ATP6V1B1: variants seen among roughly 807,000 people sequenced by gnomAD.
The protein encoded by ATP6V1B1 is ATPase H+ transporting V1 subunit B1.
In ATP6V1B1, 41 loss-of-function variants were observed where a neutral mutation model predicts 62.1. That is an observed-to-expected ratio of 0.66 (90% confidence interval 0.51 to 0.86). ATP6V1B1 has a LOEUF of 0.86. Among genes scored for constraint, ATP6V1B1 ranks in the 40% least tolerant of loss-of-function variants. The pLI, the probability that ATP6V1B1 is intolerant of heterozygous loss-of-function variation, is 0.00. For synonymous variants in ATP6V1B1, 253 were observed against 273.4 expected (o/e 0.93, Z 0.74); for missense variants, 651 against 697.5 (o/e 0.93, Z 0.75).
chr2:70,957,833 G>C (rs113076007), intron 2 of ATP6V1B1: 160 of 592,200 alleles, frequency 2.7e-4, no homozygotes, highest in African/African-American at 2.5e-3. Flanking sequence ...CAGAGTTTCA[G>C]CTGTAACCTG....
chr2:70,958,462 C>T (rs782086753), intron 4 of ATP6V1B1, 36 bp downstream of exon 4: 2 of 1,590,462 alleles, frequency 1.3e-6, no homozygotes, highest in Non-Finnish European at 1.7e-6. Context: ...GGGGGTGCTC[C>T]TCTGCCCTCC....
intron 2 of ATP6V1B1, among the ~76,000 whole-genome samples, chr2:70,954,174 C>G (rs1458650839): frequency 6.6e-6 from 1 of 151,980 alleles, no homozygotes; most frequent in African/African-American, 2.4e-5. Context: ...TAATGCTGTT[C>G]TTTTTTCTGA....
rs782075120 is a variant in ATP6V1B1, at chr2:70,964,717, C to T, written c.1249-19C>T. The T allele has an allele frequency of 3.1e-6, 5 of 1,613,088 alleles. No homozygotes were observed. The African/African-American group carries it at 4.0e-5, about 13-fold the overall frequency. On this transcript the variant is annotated intron_variant, in intron 12 of 13. Coordinates refer to ENST00000234396, the MANE Select transcript of ATP6V1B1 (RefSeq NM_001692.4). Reference sequence around the variant, plus strand: ...GTGGTAAGCCCGCAGCGGCCACCGACGCCTTGCCCCTCCCCCAGTACGCCT... The same window carrying T: ...GTGGTAAGCCCGCAGCGGCCACCGATGCCTTGCCCCTCCCCCAGTACGCCT...
At position 70,962,873 on chromosome 2, in the gene ATP6V1B1, G is replaced by A. The variant is rs936620695; in HGVS notation, c.882G>A (p.Met294Ile). The change falls in exon 9 of 14, where the codon ATG becomes ATA. Residue 294 changes from methionine (M) to isoleucine (I), a missense_variant. Transcript: ENST00000234396. ...ATGTGCTGGTCATACTGACGGACAT[G>A]AGTTCCTATGCAGAGGCCTTGCGGG... ...EKHVLVILTD[M>I]SSYAEALREV... 1.2e-5 allele frequency: 20 copies of A among 1,614,016 alleles called. No individual in the cohort carries two copies. The Admixed American group carries it at 1.8e-4, about 15-fold the overall frequency.
Position 70,964,455 on chromosome 2 carries a change from C to T in ATP6V1B1, c.1161C>T (p.Asn387=), listed in dbSNP as rs377624239. 5 of 1,614,156 alleles carry T rather than the reference C, an allele frequency of 3.1e-6. No individual in the cohort carries two copies. The highest frequency in any genetic ancestry group is 1.1e-5 in the South Asian group (1 of 91,080). ...LHNRQIYPPI[N]VLPSLSRLMK... Reference sequence around the variant, plus strand: ...TCCCTCAGATCTACCCCCCCATCAACGTGCTCCCTTCCCTGTCGCGGCTGA... The same window carrying T: ...TCCCTCAGATCTACCCCCCCATCAATGTGCTCCCTTCCCTGTCGCGGCTGA... Residue 387 remains asparagine (N), a synonymous_variant, in exon 12 of 14, where the codon AAC becomes AAT. Coordinates refer to ENST00000234396, the MANE Select transcript of ATP6V1B1 (RefSeq NM_001692.4).
intron 1 of ATP6V1B1, among the ~76,000 whole-genome samples, chr2:70,938,338 T>C (rs1208113069): frequency 6.6e-6 from 1 of 152,034 alleles, no homozygotes; most frequent in African/African-American, 2.4e-5. Flanking sequence ...GCACCCTCAG[T>C]ACGCCAGAGG....
At chr2:70,943,490 T>G (rs1553416740) in intron 1 of ATP6V1B1, 168 bp from the exon 2 acceptor site, 4 of 765,092 alleles carry the variant, frequency 5.2e-6, no homozygotes, top group South Asian at 1.5e-5. Flanking sequence ...GGCAGGGGCA[T>G]GACCCTTACA....
chr2:70,964,944 C>G lies in ATP6V1B1; in HGVS notation c.1379-14C>G. ...CACACACATTCCTAACACTCCCTCC[C>G]GCTCTGTCCCTAGGCCCCTACGAGA... On this transcript the variant is annotated splice_polypyrimidine_tract_variant and intron_variant, in intron 13 of 13. Coordinates refer to ENST00000234396, the MANE Select transcript of ATP6V1B1 (RefSeq NM_001692.4). 1 of 1,614,026 alleles carries G rather than the reference C, an allele frequency of 6.2e-7. No homozygotes were observed. The highest frequency in any genetic ancestry group is 1.7e-5 in the Admixed American group (1 of 60,032).
chr2:70,961,955 C>T (rs1680598022), intron 8 of ATP6V1B1: 2 of 543,682 alleles, frequency 3.7e-6, no homozygotes, highest in Non-Finnish European at 6.7e-6. Context: ...ACCATTCCAA[C>T]TCAGGGCTCC....
chr2:70,959,380 C>T lies in ATP6V1B1; in HGVS notation c.445+285C>T, dbSNP rs1446046886. ...AATCCTGAGAATGGGCTGCGGTGCT[C>T]TGCCGGCTCTCGTCCATTCAAGTGG... On this transcript the variant is annotated intron_variant, in intron 5 of 13. Transcript: ENST00000234396. This position sits in a 1 kb window ranked among gnomAD's most constrained non-coding sequence, Gnocchi z 4.2. Among the ~76,000 whole-genome samples, 3 of 152,248 alleles carry T rather than the reference C, an allele frequency of 2.0e-5. No homozygotes were observed. Among genetic ancestry groups the T allele is most frequent in the Non-Finnish European group, 2.9e-5 (2 of 68,040 alleles).
At chr2:70,948,693 C>T (rs112186498) in intron 2 of ATP6V1B1, 1 of 152,254 alleles carries the variant, frequency 6.6e-6, no homozygotes, top group African/African-American at 2.4e-5. Context: ...GCCCTCCTCC[C>T]CGGCCGGCCT....
At chr2:70,944,242 G>GGTAAGTGAA in intron 2 of ATP6V1B1, 1 of 1,288,114 alleles carries the variant, frequency 7.8e-7, no homozygotes, top group South Asian at 1.2e-5. Context: ...AAGTGAAGTG[G>GGTAAGTGAA]GCCCCACCAA....
chr2:70,937,334 C>T (rs540056799), intron 1 of ATP6V1B1, among the ~76,000 whole-genome samples: 5 of 151,996 alleles, frequency 3.3e-5, no homozygotes, highest in South Asian at 2.1e-4. Flanking sequence ...GGCCCGGGGG[C>T]GCATGGGAGG....
chr2:70,965,189 C>T lies in ATP6V1B1; in HGVS notation c.*68C>T, dbSNP rs144725809. The T allele has an allele frequency of 1.6e-3, 2,485 of 1,587,136 alleles. 36 individuals carry two copies. In the East Asian group the frequency reaches 0.034, roughly 21 times the overall value. On this transcript the variant is annotated 3_prime_UTR_variant, in exon 14 of 14. Transcript: ENST00000234396. Reference sequence around the variant, plus strand: ...CTCGGCTCCCGGGTCTCCCCTCCCTCGCCACCCCAACCAGCGGCTTCTGCG... The same window carrying T: ...CTCGGCTCCCGGGTCTCCCCTCCCTTGCCACCCCAACCAGCGGCTTCTGCG...
intron 2 of ATP6V1B1, among the ~76,000 whole-genome samples, chr2:70,953,692 A>G (rs1680369708): frequency 6.6e-6 from 1 of 152,186 alleles, no homozygotes; most frequent in Admixed American, 6.5e-5. Flanking sequence ...TTATTTTGGT[A>G]TCAAGGCTAT....
intron 2 of ATP6V1B1, among the ~76,000 whole-genome samples, chr2:70,952,557 C>G (rs909436280): frequency 2.6e-5 from 4 of 151,592 alleles, no homozygotes; most frequent in Admixed American, 1.3e-4. Context: ...CTTTTTTAAT[C>G]TATGTTGACG....
chr2:70,949,270 CT>C (rs1680265409), intron 2 of ATP6V1B1, among the ~76,000 whole-genome samples: 2 of 152,104 alleles, frequency 1.3e-5, no homozygotes, highest in Admixed American at 1.3e-4. Context: ...TTTACGCATT[CT>C]TTTGGATACT....
chr2:70,943,224 G>A, intron 1 of ATP6V1B1: 1 of 365,290 alleles, frequency 2.7e-6, no homozygotes, highest in South Asian at 2.2e-5. Flanking sequence ...ATCAGTGTGG[G>A]GTGAATGGAG....
intron 2 of ATP6V1B1, among the ~76,000 whole-genome samples, chr2:70,952,395 G>A (rs1349658143): frequency 2.0e-5 from 3 of 151,244 alleles, no homozygotes; most frequent in South Asian, 2.1e-4. Flanking sequence ...CCTGGGAGGC[G>A]CAGGTTGCAG....
Sources: allele counts gnomAD v4.1 joint callset (sites outside exome capture counted in the v4.1 genomes callset), GRCh38; gene constraint gnomAD v4.1.1; non-coding constraint Gnocchi (gnomAD v3.1); transcripts MANE v1.5; gene names NCBI Gene and HGNC (gene_info 2026-07-23, HGNC 2026-07-21).